Variants in ITGA8 observed in about 807,000 individuals in gnomAD.
ITGA8 encodes the protein integrin alpha-8.
A neutral mutation model predicts 142.3 loss-of-function variants in ITGA8; 91 were observed. That is an observed-to-expected ratio of 0.64 (90% CI 0.54 to 0.76). The LOEUF is 0.76. Ranked by LOEUF, ITGA8 falls within the 30% of genes least tolerant of loss-of-function variation. The pLI is 0.00. For missense variants in ITGA8, 1,406 were observed against 1,327.7 expected (o/e 1.06, Z -0.92); for synonymous variants, 505 against 485.2 (o/e 1.04, Z -0.54).
intron 2 of ITGA8, among the ~76,000 whole-genome samples, chr10:15,688,436 A>C (rs550480891): frequency 1.3e-5 from 2 of 152,100 alleles, no homozygotes; most frequent in South Asian, 4.2e-4. Context: ...GTGCTGCTAC[A>C]CTCCAGCCTG....
At chr10:15,719,500 G>T (rs553070780) in intron 1 of ITGA8, 63 bp downstream of exon 1, 1 of 1,426,942 alleles carries the variant, frequency 7.0e-7, no homozygotes, top group Non-Finnish European at 9.2e-7. Flanking sequence ...CGGCAGAGCC[G>T]CTGGGACCTG....
intron 21 of ITGA8, 98 bp from the exon 22 acceptor site, chr10:15,592,402 C>T (rs1832942671): frequency 2.3e-6 from 2 of 876,902 alleles, no homozygotes; most frequent in East Asian, 2.6e-5. Flanking sequence ...ATCACTGTAA[C>T]TCTTTCCTTT....
intron 13 of ITGA8, among the ~76,000 whole-genome samples, chr10:15,621,818 G>T (rs1833495920): frequency 6.6e-6 from 1 of 152,096 alleles, no homozygotes; most frequent in Non-Finnish European, 1.5e-5. Flanking sequence ...AGTGAGCTAT[G>T]ATGGTGCCAC....
intron 18 of ITGA8, among the ~76,000 whole-genome samples, chr10:15,606,066 C>T (rs1197048978): frequency 1.3e-5 from 2 of 152,172 alleles, no homozygotes; most frequent in Non-Finnish European, 2.9e-5. Flanking sequence ...ATTACAGCCA[C>T]ATTTTGAACA....
intron 13 of ITGA8, among the ~76,000 whole-genome samples, chr10:15,628,811 T>A (rs1833634086): frequency 6.6e-6 from 1 of 151,992 alleles, no homozygotes; most frequent in Non-Finnish European, 1.5e-5. Context: ...ATTTGTTGTG[T>A]GTATCAAAAT....
intron 4 of ITGA8, among the ~76,000 whole-genome samples, chr10:15,683,505 A>G (rs1834780108): frequency 6.6e-6 from 1 of 152,242 alleles, no homozygotes; most frequent in South Asian, 2.1e-4. Context: ...TCATTTTGAA[A>G]AAAAGGATTA....
At chr10:15,591,408 T>TATTAC (rs1832920045) in intron 22 of ITGA8, among the ~76,000 whole-genome samples, 1 of 50,182 alleles carries the variant, frequency 2.0e-5, no homozygotes, top group African/African-American at 5.8e-5. Context: ...TATTAATATA[T>TATTAC]ATTATATTAT....
chr10:15,657,852 A>C (rs1834215273), intron 10 of ITGA8, among the ~76,000 whole-genome samples: 1 of 152,230 alleles, frequency 6.6e-6, no homozygotes, highest in African/African-American at 2.4e-5. Flanking sequence ...TTACAAACAC[A>C]AGGAATTCAT....
intron 8 of ITGA8, among the ~76,000 whole-genome samples, chr10:15,666,085 T>C (rs895952128): frequency 1.3e-5 from 2 of 152,256 alleles, no homozygotes; most frequent in Non-Finnish European, 1.5e-5. Context: ...GGGGATGGCA[T>C]TGAATCTATA....
At position 15,606,355 on chromosome 10, in the gene ITGA8, G is replaced by T; in HGVS notation, c.1832C>A (p.Ser611Tyr). The T allele has an allele frequency of 6.2e-7, 1 of 1,611,980 alleles. No individual in the cohort carries two copies. The highest frequency in any genetic ancestry group is 1.7e-5 in the Admixed American group (1 of 59,982). ...NISLNYSLDE[S>Y]TFKEGLEVKP... ...CACTTCCAGGCCTTCTTTAAAGGTG[G>T]ATTCGTCCAAACTGTAATTCAAACT... Residue 611 changes from serine (S) to tyrosine (Y), a missense_variant, in exon 18 of 30, where the codon TCC (serine) becomes TAC (tyrosine). Coordinates refer to ENST00000378076, the MANE Select transcript of ITGA8 (RefSeq NM_003638.3).
chr10:15,713,090 C>T lies in ITGA8; in HGVS notation c.343+5676G>A, dbSNP rs114973010. Among the ~76,000 whole-genome samples the T allele has an allele frequency of 1.4e-3, 210 of 152,278 alleles. 2 individuals carry two copies. Among genetic ancestry groups the T allele is most frequent in the African/African-American group, 4.7e-3 (197 of 41,568 alleles). ...CTCAGTTGCTATGGGCTGTAGGGAC[C>T]GCTGCCTCCTCCCTTCTCATACCAA... On this transcript the variant is annotated intron_variant, in intron 2 of 29. Coordinates refer to ENST00000378076, the MANE Select transcript of ITGA8 (RefSeq NM_003638.3).
intron 2 of ITGA8, among the ~76,000 whole-genome samples, chr10:15,707,960 C>CAACA (rs1564418663): frequency 2.7e-5 from 2 of 75,444 alleles, no homozygotes; most frequent in African/African-American, 9.4e-5. Flanking sequence ...GTGCACACAC[C>CAACA]GACACACACA....
At chr10:15,583,980 A>C (rs1189269132) in intron 23 of ITGA8, among the ~76,000 whole-genome samples, 1 of 152,238 alleles carries the variant, frequency 6.6e-6, no homozygotes, top group East Asian at 1.9e-4. Flanking sequence ...TAATGAAAAA[A>C]AGTCAACTCT....
intron 6 of ITGA8, among the ~76,000 whole-genome samples, chr10:15,676,022 T>C (rs1834623390): frequency 6.6e-6 from 1 of 152,200 alleles, no homozygotes; most frequent in Non-Finnish European, 1.5e-5. Flanking sequence ...ATAAATTTTT[T>C]ATTAACATAA....
At chr10:15,560,280 T>TA (rs966235012) in intron 25 of ITGA8, among the ~76,000 whole-genome samples, 4 of 151,634 alleles carry the variant, frequency 2.6e-5, no homozygotes, top group African/African-American at 7.3e-5. Flanking sequence ...GCCCTGCTTC[T>TA]AAAAAAAATA....
intron 11 of ITGA8, among the ~76,000 whole-genome samples, chr10:15,647,479 G>A (rs1019650390): frequency 1.6e-5 from 2 of 121,284 alleles, no homozygotes; most frequent in African/African-American, 6.4e-5. Flanking sequence ...TTTTTGAGAC[G>A]GAGTCTCGCT....
At chr10:15,691,946 A>AT (rs1013770003) in intron 2 of ITGA8, among the ~76,000 whole-genome samples, 2 of 151,900 alleles carry the variant, frequency 1.3e-5, no homozygotes, top group Non-Finnish European at 2.9e-5. Context: ...AATATATACA[A>AT]TTTTTTTTGA....
At chr10:15,646,066 G>T (rs1332741609) in intron 12 of ITGA8, among the ~76,000 whole-genome samples, 1 of 152,076 alleles carries the variant, frequency 6.6e-6, no homozygotes, top group African/African-American at 2.4e-5. Flanking sequence ...CATATAGAAG[G>T]TTTCCTAGTT....
intron 13 of ITGA8, among the ~76,000 whole-genome samples, chr10:15,635,633 T>C (rs75990209): frequency 0.017 from 2,513 of 152,268 alleles, 67 homozygotes; most frequent in African/African-American, 0.057. Flanking sequence ...TTGATCTACA[T>C]GCATGAGATA....
Sources: allele counts gnomAD v4.1 joint callset (sites outside exome capture counted in the v4.1 genomes callset), GRCh38; gene constraint gnomAD v4.1.1; transcripts MANE v1.5; gene names NCBI Gene and HGNC (gene_info 2026-07-23, HGNC 2026-07-21).